JPT2: variants seen among roughly 807,000 people sequenced by gnomAD.
JPT2 encodes Jupiter microtubule associated homolog 2.
In JPT2, 9 loss-of-function variants were observed where a neutral mutation model predicts 15.9. That is an observed-to-expected ratio of 0.57 (90% CI 0.34 to 0.99). JPT2 has a LOEUF of 0.99. Among genes scored for constraint, JPT2 ranks in the 50% least tolerant of loss-of-function variants. The probability of loss-of-function intolerance (pLI) is 0.02; values close to 1 mark genes in which losing one functional copy is unlikely to be tolerated. For missense variants in JPT2, 267 were observed against 252.1 expected (o/e 1.06, Z -0.40); for synonymous variants, 95 against 91.7 (o/e 1.04, Z -0.21).
intron 3 of JPT2, among the ~76,000 whole-genome samples, chr16:1,696,915 T>G (rs540648792): frequency 6.6e-6 from 1 of 152,326 alleles, no homozygotes; most frequent in Non-Finnish European, 1.5e-5. Flanking sequence ...TGCCAGTTCC[T>G]CAGAGTTAAA....
intron 3 of JPT2, among the ~76,000 whole-genome samples, chr16:1,693,317 G>GTCCTGGCC (rs2142227971): frequency 1.3e-5 from 2 of 152,268 alleles, no homozygotes; most frequent in African/African-American, 4.8e-5. Context: ...GGCTGGTCTT[G>GTCCTGGCC]AACTCCTGTC....
Position 1,697,811 on chromosome 16 carries a change from G to A in JPT2, c.337-1G>A, listed in dbSNP as rs1293976119. The A allele has an allele frequency of 6.2e-7, 1 of 1,613,690 alleles. No homozygotes were observed. Among genetic ancestry groups the A allele is most frequent in the African/African-American group, 1.3e-5 (1 of 74,882 alleles). ...TGATTTGGTGGTTTGCCTTGTTGCA[G>A]GATCATGTTTTCTTATGTGAAGGAG... On this transcript the variant is annotated splice_acceptor_variant, in intron 3 of 4. Transcript: ENST00000248098. LOFTEE classifies it high-confidence loss of function.
At chr16:1,694,696 T>C (rs1313844084) in intron 3 of JPT2, among the ~76,000 whole-genome samples, 1 of 152,148 alleles carries the variant, frequency 6.6e-6, no homozygotes, top group Non-Finnish European at 1.5e-5. Flanking sequence ...AGGGCTTTTT[T>C]TTTTTTCACA....
chr16:1,701,969 C>G lies in JPT2; in HGVS notation c.*2971C>G. On this transcript the variant is annotated 3_prime_UTR_variant, in exon 5 of 5. Transcript: ENST00000248098. ...AGTGAGGCAGGAGGATCACTTGAGA[C>G]CAGGAGGTTGTGGCTGTAGTGAGTG... 1 of 358,514 alleles carries G rather than the reference C, an allele frequency of 2.8e-6. No homozygotes were observed. Among genetic ancestry groups the G allele is most frequent in the Non-Finnish European group, 5.7e-6 (1 of 175,410 alleles). 22.2% of individuals were successfully genotyped at this position (358,514 alleles called of 1,614,324 possible). A position where few individuals can be genotyped will look rare whatever the true frequency, so the allele number is the denominator to read the frequency against.
intron 1 of JPT2, among the ~76,000 whole-genome samples, chr16:1,681,515 C>T (rs980674689): frequency 2.0e-5 from 3 of 152,182 alleles, no homozygotes; most frequent in Non-Finnish European, 2.9e-5. Context: ...TCACCTCCTG[C>T]GCCCATTGGT....
intron 3 of JPT2, among the ~76,000 whole-genome samples, chr16:1,696,332 AC>A (rs2037141555): frequency 6.6e-6 from 1 of 152,078 alleles, no homozygotes; most frequent in South Asian, 2.1e-4. Flanking sequence ...TCAGATCAAG[AC>A]CATCCTGGCT....
chr16:1,678,587 G>T (rs12927818), intron 1 of JPT2, among the ~76,000 whole-genome samples: 1,933 of 152,264 alleles, frequency 0.013, 12 homozygotes, highest in African/African-American at 0.019. Flanking sequence ...GCCCGCGACC[G>T]AGGCCGAGGG....
chr16:1,685,768 A>G, intron 2 of JPT2, 181 bp downstream of exon 2: 1 of 622,000 alleles, frequency 1.6e-6, no homozygotes, highest in Non-Finnish European at 2.6e-6. Flanking sequence ...TGACTTGAGT[A>G]GTCTTGAATT....
intron 2 of JPT2, 66 bp from the exon 3 acceptor site, chr16:1,691,777 G>A (rs574887382): frequency 3.2e-6 from 5 of 1,560,130 alleles, no homozygotes; most frequent in African/African-American, 2.7e-5. Context: ...AAAGCACTGC[G>A]GGGGTGGGGT....
chr16:1,698,689 T>A lies in JPT2; in HGVS notation c.386-122T>A. On this transcript the variant is annotated intron_variant, in intron 4 of 4. Coordinates refer to ENST00000248098, the MANE Select transcript of JPT2 (RefSeq NM_144570.3). This position sits in a 1 kb window ranked among gnomAD's most constrained non-coding sequence, Gnocchi z 4.9. ...AAGCCTGTCTATATTGTCTTCTCTT[T>A]CCCAGTTACAGCATGAATTTCTTGC... 1.1e-6 allele frequency: 1 copy of A among 948,666 alleles called. No individual in the cohort carries two copies. The highest frequency in any genetic ancestry group is 1.6e-6 in the Non-Finnish European group (1 of 640,852). The allele number at this position is 948,666 out of a possible 1,614,324, so 58.8% of individuals were successfully genotyped here. A position where few individuals can be genotyped will look rare whatever the true frequency, so the allele number is the denominator to read the frequency against.
Position 1,699,292 on chromosome 16 carries a change from G to A in JPT2, c.*294G>A. 1.7e-6 allele frequency: 1 copy of A among 588,426 alleles called. No individual in the cohort carries two copies. The highest frequency in any genetic ancestry group is 3.2e-6 in the Non-Finnish European group (1 of 312,458). 36.5% of individuals were successfully genotyped at this position (588,426 alleles called of 1,614,324 possible). On this transcript the variant is annotated 3_prime_UTR_variant, in exon 5 of 5. Coordinates refer to ENST00000248098, the MANE Select transcript of JPT2 (RefSeq NM_144570.3). ...AGGGTGGGGAGGTGGGGCAGGGCAT[G>A]GTCCTTGGATCAACAGCCCGCCAGC...
intron 1 of JPT2, 68 bp from the exon 2 acceptor site, chr16:1,685,371 A>G: frequency 6.4e-7 from 1 of 1,554,230 alleles, no homozygotes; most frequent in Non-Finnish European, 8.8e-7. Context: ...TAGTTGTGCC[A>G]AAATCCTTGC....
intron 1 of JPT2, 98 bp downstream of exon 1, chr16:1,678,454 G>A: frequency 9.0e-7 from 1 of 1,115,976 alleles, no homozygotes; most frequent in Non-Finnish European, 1.1e-6. Flanking sequence ...GGTTGGGGTG[G>A]GGTTGGGGGG....
chr16:1,689,234 A>G (rs1305470533), intron 2 of JPT2: 2 of 151,930 alleles, frequency 1.3e-5, no homozygotes, highest in Non-Finnish European at 2.9e-5. Context: ...GTCACATTAA[A>G]AAAAAAAAAA....
At chr16:1,679,233 C>T (rs780462795) in intron 1 of JPT2, among the ~76,000 whole-genome samples, 2 of 152,136 alleles carry the variant, frequency 1.3e-5, no homozygotes, top group Non-Finnish European at 2.9e-5. Context: ...TATGATGAGC[C>T]CCTCTGTGGC....
downstream of JPT2, among the ~76,000 whole-genome samples, chr16:1,702,641 C>T (rs1457544830): frequency 2.0e-5 from 3 of 152,156 alleles, no homozygotes; most frequent in Non-Finnish European, 2.9e-5. Context: ...TGCCTCCTCC[C>T]GTGCTGGCTG....
intron 3 of JPT2, among the ~76,000 whole-genome samples, chr16:1,697,009 T>G (rs965783992): frequency 2.0e-5 from 3 of 152,202 alleles, no homozygotes; most frequent in African/African-American, 2.4e-5. Context: ...ACTAGATCCT[T>G]GCACCAGGAT....
intron 1 of JPT2, among the ~76,000 whole-genome samples, chr16:1,684,449 G>A (rs756178005): frequency 5.9e-5 from 9 of 152,150 alleles, no homozygotes; most frequent in Non-Finnish European, 1.5e-5. Context: ...ACAATAAAAA[G>A]TGATTCAAGA....
At chr16:1,689,718 A>C (rs1283102345) in intron 2 of JPT2, 1 of 152,294 alleles carries the variant, frequency 6.6e-6, no homozygotes, top group Non-Finnish European at 1.5e-5. Flanking sequence ...CTAAGATTAC[A>C]GGTGTGAGCC....
Sources: gnomAD v4.1 joint callset for allele counts (sites outside exome capture counted in the v4.1 genomes callset) on GRCh38, gnomAD v4.1.1 for gene constraint, Gnocchi (gnomAD v3.1) non-coding constraint, MANE v1.5 for transcripts, NCBI Gene and HGNC (gene_info 2026-07-23, HGNC 2026-07-21) for gene names.